DCDC2: variants seen among roughly 807,000 people sequenced by gnomAD.
DCDC2 encodes the protein doublecortin domain-containing protein 2.
Under a neutral mutation model 50.2 loss-of-function variants are expected in DCDC2, and 40 were observed. The ratio of observed to expected loss-of-function variants is 0.80; its 90% confidence interval spans 0.62 to 1.04. DCDC2 has a LOEUF of 1.04. Among genes scored for constraint, DCDC2 ranks in the 50% least tolerant of loss-of-function variants. DCDC2 has a pLI of 0.00. For missense variants in DCDC2, 570 were observed against 581.9 expected, an observed-to-expected ratio of 0.98 and a Z score of 0.21; for synonymous variants, 234 against 210.6, an observed-to-expected ratio of 1.11 and a Z score of -0.96.
chr6:24,248,459 T>C (rs562250213), intron 7 of DCDC2, among the ~76,000 whole-genome samples: 120 of 152,274 alleles, frequency 7.9e-4, no homozygotes, highest in African/African-American at 2.4e-3. Context: ...AAGAACTCAA[T>C]ATACTGCCTG....
intron 7 of DCDC2, among the ~76,000 whole-genome samples, chr6:24,217,254 TATATAA>T (rs765782858): frequency 2.4e-4 from 37 of 152,296 alleles, no homozygotes; most frequent in Non-Finnish European, 1.0e-4. Flanking sequence ...TTCCAAATTA[TATATAA>T]ATATATACTT....
At chr6:24,277,517 A>T (rs561962290) in intron 7 of DCDC2, among the ~76,000 whole-genome samples, 1 of 152,152 alleles carries the variant, frequency 6.6e-6, no homozygotes, top group African/African-American at 2.4e-5. Context: ...GCAATTTTTT[A>T]TTTTTATTTT....
At chr6:24,370,999 A>T in the DCDC2 span, among the ~76,000 whole-genome samples, 1 of 151,902 alleles carries the variant, frequency 6.6e-6, no homozygotes, top group Non-Finnish European at 1.5e-5. Context: ...ATTACTGAGG[A>T]TATATAAAGA....
the DCDC2 span, among the ~76,000 whole-genome samples, chr6:24,367,231 G>A: frequency 6.6e-6 from 1 of 152,232 alleles, no homozygotes; most frequent in Non-Finnish European, 1.5e-5. Flanking sequence ...ATCCTGGGAA[G>A]TAAGCAAGCA....
intron 7 of DCDC2, among the ~76,000 whole-genome samples, chr6:24,228,743 C>T (rs1022690746): frequency 6.6e-6 from 1 of 152,168 alleles, no homozygotes; most frequent in African/African-American, 2.4e-5. Flanking sequence ...TTCCTTAACC[C>T]AGGCTCTGAT....
At chr6:24,241,461 G>A (rs1316824035) in intron 7 of DCDC2, among the ~76,000 whole-genome samples, 2 of 152,140 alleles carry the variant, frequency 1.3e-5, no homozygotes, top group Admixed American at 1.3e-4. Context: ...TTACAGGAAG[G>A]TTTTAACAAA....
chr6:24,279,819 T>C (rs530748056), intron 6 of DCDC2, among the ~76,000 whole-genome samples: 6 of 152,186 alleles, frequency 3.9e-5, no homozygotes, highest in Non-Finnish European at 7.3e-5. Context: ...TCCTCATCAT[T>C]TGAGTGGAGT....
At chr6:24,290,810 T>C (rs549869381) in intron 5 of DCDC2, 122 bp downstream of exon 5, 2 of 871,326 alleles carry the variant, frequency 2.3e-6, no homozygotes, top group Non-Finnish European at 3.4e-6. Flanking sequence ...CCATATATGC[T>C]TTCCATTCTA....
chr6:24,296,408 A>G (rs1759241346), intron 4 of DCDC2, among the ~76,000 whole-genome samples: 1 of 152,190 alleles, frequency 6.6e-6, no homozygotes, highest in Non-Finnish European at 1.5e-5. Context: ...ATCCTGGGCA[A>G]AGGAACTGGT....
intron 2 of DCDC2, among the ~76,000 whole-genome samples, chr6:24,339,446 TC>T (rs1760115641): frequency 6.6e-6 from 1 of 152,142 alleles, no homozygotes; most frequent in Non-Finnish European, 1.5e-5. Flanking sequence ...AAACTGGTGC[TC>T]ATATCATTTT....
chr6:24,304,669 T>A (rs60566890), intron 2 of DCDC2, among the ~76,000 whole-genome samples: 4,954 of 152,304 alleles, frequency 0.033, 230 homozygotes, highest in African/African-American at 0.11. Context: ...CATATTATCT[T>A]ATGTACATAG....
intron 2 of DCDC2, among the ~76,000 whole-genome samples, chr6:24,329,144 C>A (rs1338093313): frequency 1.3e-5 from 2 of 152,114 alleles, no homozygotes; most frequent in Non-Finnish European, 2.9e-5. Flanking sequence ...GCCCTCCCTA[C>A]TGACGGAAAC....
At chr6:24,225,169 G>GA (rs1167898076) in intron 7 of DCDC2, among the ~76,000 whole-genome samples, 3 of 151,910 alleles carry the variant, frequency 2.0e-5, no homozygotes, top group East Asian at 3.9e-4. Context: ...CTAAGTCCCA[G>GA]AAAAAAAATG....
intron 2 of DCDC2, among the ~76,000 whole-genome samples, chr6:24,315,846 G>A (rs1317669323): frequency 6.6e-6 from 1 of 152,160 alleles, no homozygotes; most frequent in East Asian, 1.9e-4. Context: ...AGAAGAGACT[G>A]CAGAAAGCAA....
chr6:24,195,617 C>T (rs1561885677), intron 8 of DCDC2, among the ~76,000 whole-genome samples: 2 of 152,126 alleles, frequency 1.3e-5, no homozygotes, highest in Non-Finnish European at 2.9e-5. Flanking sequence ...TGAAGACTGT[C>T]ATGTGCATTA....
At chr6:24,211,496 T>C (rs1459710041) in intron 7 of DCDC2, among the ~76,000 whole-genome samples, 1 of 152,024 alleles carries the variant, frequency 6.6e-6, no homozygotes, top group African/African-American at 2.4e-5. Flanking sequence ...CGGTTGCAGA[T>C]GGAATTAAGG....
At chr6:24,308,812 G>A (rs141510319) in intron 2 of DCDC2, among the ~76,000 whole-genome samples, 190 of 152,258 alleles carry the variant, frequency 1.2e-3, no homozygotes, top group South Asian at 2.5e-3. Context: ...ATGCGCTTTA[G>A]CAAATTAGAC....
Position 24,178,368 on chromosome 6 carries a change from C to A in DCDC2, c.1288G>T (p.Glu430Ter). 1 of 1,613,972 alleles carries A rather than the reference C, an allele frequency of 6.2e-7. No individual in the cohort carries two copies. The highest frequency in any genetic ancestry group is 2.2e-5 in the East Asian group (1 of 44,884). ...NNELQLVLDK[E>*]RKSQGAGSGQ... ...CTGCCAGCTCCTTGAGACTTTCTTT[C>A]CTTGTCTAGGACCAGTTGAAGCTCA... The change falls in exon 9 of 10, where the codon GAA becomes TAA. Residue 430 changes from glutamate to a stop codon, truncating the protein, a stop_gained. Transcript: ENST00000378454. LOFTEE classifies it high-confidence loss of function.
At chr6:24,234,931 G>A (rs1056561555) in intron 7 of DCDC2, among the ~76,000 whole-genome samples, 1 of 152,048 alleles carries the variant, frequency 6.6e-6, no homozygotes, top group African/African-American at 2.4e-5. Flanking sequence ...GGATAGAAAT[G>A]ATAACAAATA....
Sources: gnomAD v4.1 joint callset for allele counts (sites outside exome capture counted in the v4.1 genomes callset) on GRCh38, gnomAD v4.1.1 for gene constraint, MANE v1.5 for transcripts, NCBI Gene and HGNC (gene_info 2026-07-23, HGNC 2026-07-21) for gene names.